Variants in PSD3 observed in about 807,000 individuals in gnomAD.
The protein encoded by PSD3 is PH and SEC7 domain-containing protein 3.
A neutral mutation model predicts 105.5 loss-of-function variants in PSD3; 49 were observed. The ratio of observed to expected loss-of-function variants is 0.46; its 90% CI spans 0.37 to 0.59. The LOEUF (loss-of-function observed/expected upper bound fraction) is 0.59. PSD3 is among the 20% of genes least tolerant of loss of function. PSD3 has a pLI of 0.00. For missense variants in PSD3, 1,561 were observed against 1,263.8 expected, an observed-to-expected ratio of 1.24 and a Z score of -3.57; for synonymous variants, 557 against 457.8, an observed-to-expected ratio of 1.22 and a Z score of -2.77.
Position 19,019,338 on chromosome 8 carries a change from A to T in PSD3, c.324+64868T>A, listed in dbSNP as rs75661641. ...AAAGAAAAAAACTAAGTATTTTTCCATTGTGATCTATGGCTCACTCCTCTT... is the reference window on the plus strand; with the variant it reads ...AAAGAAAAAAACTAAGTATTTTTCCTTTGTGATCTATGGCTCACTCCTCTT... On this transcript the variant is annotated intron_variant, in intron 1 of 1. Transcript: ENST00000521475. Among the ~76,000 whole-genome samples, 14 of 152,302 alleles carry T rather than the reference A, an allele frequency of 9.2e-5. No homozygotes were observed. The East Asian group carries it at 2.7e-3, about 29-fold the overall frequency.
chr8:18,583,281 A>C (rs550414187), intron 12 of PSD3, among the ~76,000 whole-genome samples: 1 of 152,286 alleles, frequency 6.6e-6, no homozygotes, highest in East Asian at 1.9e-4. Context: ...TCTACAAATA[A>C]TAGAAAAATT....
At chr8:18,683,860 G>A (rs770335236) in intron 9 of PSD3, 1 of 765,202 alleles carries the variant, frequency 1.3e-6, no homozygotes. Flanking sequence ...GAATCCTCCC[G>A]GGAGTATTTC....
chr8:18,750,398 C>G (rs1311467965), intron 9 of PSD3, among the ~76,000 whole-genome samples: 1 of 151,782 alleles, frequency 6.6e-6, no homozygotes, highest in African/African-American at 2.4e-5. Flanking sequence ...CTTAAGGTAG[C>G]GCGTCTGGAG....
At chr8:18,962,198 A>G (rs982025066) in intron 1 of PSD3, among the ~76,000 whole-genome samples, 4 of 152,152 alleles carry the variant, frequency 2.6e-5, no homozygotes, top group African/African-American at 9.6e-5. Context: ...GTGAGCCAAG[A>G]TGGTGCCACT....
chr8:19,013,492 A>C, intron 1 of PSD3, 71 bp downstream of exon 1: 1 of 1,576,556 alleles, frequency 6.3e-7, no homozygotes. Flanking sequence ...GCGACAAAGC[A>C]ACACAAACCC....
chr8:18,606,151 T>A (rs926570896), intron 11 of PSD3, among the ~76,000 whole-genome samples: 2 of 152,186 alleles, frequency 1.3e-5, no homozygotes, highest in African/African-American at 4.8e-5. Flanking sequence ...CTGTAGACAT[T>A]ATAACTTTGA....
chr8:19,077,478 C>G (rs1374560734), intron 1 of PSD3, among the ~76,000 whole-genome samples: 2 of 151,968 alleles, frequency 1.3e-5, no homozygotes, highest in African/African-American at 4.8e-5. Flanking sequence ...GGTGGACGTC[C>G]TTAAAAAAAA....
In PSD3 at chr8:18,931,532, T is replaced by C. The variant is rs187188218; in HGVS notation, c.130+4502A>G. ...AAGAAAATTAACATTTTAACAAAAT[T>C]TTGGTATGTCTTTCAGAGGCTTCCA... On this transcript the variant is annotated intron_variant, in intron 2 of 15. Transcript: ENST00000327040. Among the ~76,000 whole-genome samples, 23 of 152,260 alleles carry C rather than the reference T, an allele frequency of 1.5e-4. 1 individual carries two copies. Among genetic ancestry groups the C allele is most frequent in the Middle Eastern group, 3.4e-3 (1 of 294 alleles).
At chr8:18,704,363 A>T (rs987683147) in intron 9 of PSD3, among the ~76,000 whole-genome samples, 1 of 152,096 alleles carries the variant, frequency 6.6e-6, no homozygotes, top group African/African-American at 2.4e-5. Context: ...TTTTTGTGAG[A>T]CAGAGTCTCT....
At position 19,079,058 on chromosome 8, in the gene PSD3, A is replaced by G. The variant is rs193290609; in HGVS notation, c.324+5148T>C. 3.1e-4 allele frequency among the ~76,000 whole-genome samples: 47 copies of G among 152,140 alleles called. No individual in the cohort carries two copies. In the East Asian group the frequency reaches 9.0e-3, roughly 29 times the overall value. On this transcript the variant is annotated intron_variant, in intron 1 of 1. Transcript: ENST00000521475. ...CTCTGCTTCCTATAGGTGGATCCAG[A>G]TGCTAAACTTCCAGGAGGATTGCAC... is the stretch of plus-strand genomic sequence containing the variant.
chr8:18,793,227 C>G (rs1395488669), intron 8 of PSD3, among the ~76,000 whole-genome samples: 1 of 151,970 alleles, frequency 6.6e-6, no homozygotes, highest in Non-Finnish European at 1.5e-5. Flanking sequence ...ATGTAAATGA[C>G]AAGTTAACAG....
chr8:18,565,772 C>G lies in PSD3; in HGVS notation c.2784+6756G>C, dbSNP rs561299000. ...GATAGCTGGTCTCACGGCTTCACATCCACTGGCTAAAGCAGTGGTTCTCAA... is the reference window on the plus strand; with the variant it reads ...GATAGCTGGTCTCACGGCTTCACATGCACTGGCTAAAGCAGTGGTTCTCAA... On this transcript the variant is annotated intron_variant, in intron 14 of 15. Transcript: ENST00000327040. 1.6e-4 allele frequency among the ~76,000 whole-genome samples: 25 copies of G among 152,240 alleles called. No homozygotes were observed. In the South Asian group the frequency reaches 4.8e-3, roughly 29 times the overall value.
At chr8:18,566,329 A>G (rs1442425291) in intron 14 of PSD3, among the ~76,000 whole-genome samples, 3 of 152,070 alleles carry the variant, frequency 2.0e-5, no homozygotes, top group Admixed American at 2.0e-4. Context: ...GTTCGAGACC[A>G]TCATTGCTAA....
At chr8:19,026,416 C>T (rs570215975) in intron 1 of PSD3, among the ~76,000 whole-genome samples, 1 of 152,166 alleles carries the variant, frequency 6.6e-6, no homozygotes, top group South Asian at 2.1e-4. Flanking sequence ...GGGCTAATCG[C>T]AGAAGCTGTC....
At position 18,952,526 on chromosome 8, in the gene PSD3, C is replaced by T. The variant is rs117552779; in HGVS notation, c.22-16384G>A. ...AACAGCTTACATCAATTTACAAAGA[C>T]TACTGATGTGACTCTGATTACAAAT... On this transcript the variant is annotated intron_variant, in intron 1 of 15. Transcript: ENST00000327040. 1.2e-4 allele frequency among the ~76,000 whole-genome samples: 19 copies of T among 152,320 alleles called. No individual in the cohort carries two copies. The East Asian group carries it at 3.7e-3, about 29-fold the overall frequency.
chr8:18,627,194 C>A lies in PSD3; in HGVS notation c.2410+5419G>T, dbSNP rs184941815. Among the ~76,000 whole-genome samples, 40 of 152,104 alleles carry A rather than the reference C, an allele frequency of 2.6e-4. 1 individual carries two copies. The East Asian group carries it at 6.8e-3, about 26-fold the overall frequency. On this transcript the variant is annotated intron_variant, in intron 11 of 15. Transcript: ENST00000327040. Reference sequence around the variant, plus strand: ...CTTAGAGAAAGAGTCTCGGTTCCAACAGTGGAAGAGGGTACCTAAACAGAG... The same window carrying A: ...CTTAGAGAAAGAGTCTCGGTTCCAAAAGTGGAAGAGGGTACCTAAACAGAG...
chr8:18,689,376 G>T (rs549260066), intron 9 of PSD3, among the ~76,000 whole-genome samples: 2 of 152,174 alleles, frequency 1.3e-5, no homozygotes, highest in African/African-American at 4.8e-5. Flanking sequence ...CACCCAGGCA[G>T]ACACTTCCCT....
At chr8:18,948,157 C>T (rs1176883313) in intron 1 of PSD3, among the ~76,000 whole-genome samples, 1 of 152,178 alleles carries the variant, frequency 6.6e-6, no homozygotes, top group Non-Finnish European at 1.5e-5. Flanking sequence ...TTTTCCCCTA[C>T]CTATTCCTGA....
chr8:18,789,263 G>A (rs1168359083), intron 8 of PSD3, among the ~76,000 whole-genome samples: 2 of 152,054 alleles, frequency 1.3e-5, no homozygotes, highest in African/African-American at 4.8e-5. Context: ...CAAATATACA[G>A]TAGAGTTTTC....
Sources: gnomAD v4.1 joint callset for allele counts (sites outside exome capture counted in the v4.1 genomes callset) on GRCh38, gnomAD v4.1.1 for gene constraint, MANE v1.5 for transcripts, NCBI Gene and HGNC (gene_info 2026-07-23, HGNC 2026-07-21) for gene names.